The following PRKCA variants were observed in gnomAD, a reference collection of about 807,000 sequenced individuals.
PRKCA encodes the protein protein kinase C alpha.
PRKCA carries 27 observed loss-of-function variants against 87.0 expected under a neutral mutation model. That is an observed-to-expected ratio of 0.31 (90% confidence interval 0.23 to 0.43). The LOEUF (loss-of-function observed/expected upper bound fraction) is 0.43, where lower values mean the gene tolerates loss of function less well. Among genes scored for constraint, PRKCA ranks in the 20% least tolerant of loss-of-function variants. The pLI is 1.00. For missense variants in PRKCA, 518 were observed against 852.3 expected, an observed-to-expected ratio of 0.61 and a Z score of 4.88; for synonymous variants, 329 against 311.1, an observed-to-expected ratio of 1.06 and a Z score of -0.61.
Position 66,688,361 on chromosome 17 carries a change from G to T in PRKCA, c.746G>T (p.Arg249Leu). The T allele has an allele frequency of 6.2e-7, 1 of 1,614,150 alleles. No individual in the cohort carries two copies. The highest frequency in any genetic ancestry group is 8.5e-7 in the Non-Finnish European group (1 of 1,180,014). The change falls in exon 7 of 17, where the codon CGA becomes CTA. Residue 249 changes from arginine (R) to leucine (L), a missense_variant. Transcript: ENST00000413366. ...RLSVEIWDWD[R>L]TTRNDFMGSL... Reference sequence around the variant, plus strand: ...TCTGTAGAAATCTGGGACTGGGATCGAACAACAAGGAATGACTTCATGGGA... The same window carrying T: ...TCTGTAGAAATCTGGGACTGGGATCTAACAACAAGGAATGACTTCATGGGA...
At chr17:66,733,524 G>T (rs1030479152) in intron 9 of PRKCA, among the ~76,000 whole-genome samples, 5 of 152,240 alleles carry the variant, frequency 3.3e-5, no homozygotes, top group Non-Finnish European at 5.9e-5. Context: ...AGGCATGGTG[G>T]CTCATGCCTG....
At chr17:66,461,205 C>CAAAAAAAA (rs34496253) in intron 2 of PRKCA, among the ~76,000 whole-genome samples, 2 of 93,028 alleles carry the variant, frequency 2.1e-5, no homozygotes, top group Non-Finnish European at 4.5e-5. Context: ...GACCCCATCT[C>CAAAAAAAA]AAAAAAAAAA....
At chr17:66,567,297 T>C (rs1279671213) in intron 3 of PRKCA, among the ~76,000 whole-genome samples, 2 of 152,210 alleles carry the variant, frequency 1.3e-5, no homozygotes, top group African/African-American at 4.8e-5. Flanking sequence ...AGCTGAGTGT[T>C]GTGCAGTGGC....
At chr17:66,790,340 C>T (rs943578940) in intron 16 of PRKCA, among the ~76,000 whole-genome samples, 4 of 152,198 alleles carry the variant, frequency 2.6e-5, no homozygotes, top group Admixed American at 6.5e-5. Context: ...CCTGAATCAT[C>T]GTTTCAAATA....
Position 66,439,687 on chromosome 17 carries a change from G to T in PRKCA, c.206-56514G>T, listed in dbSNP as rs140020206. Reference sequence around the variant, plus strand: ...TAGAGGACCACAGTTGCAAAATAGGGTGCCTGGGGTCTCTGCTTATCTGCA... The same window carrying T: ...TAGAGGACCACAGTTGCAAAATAGGTTGCCTGGGGTCTCTGCTTATCTGCA... On this transcript the variant is annotated intron_variant, in intron 2 of 16. Coordinates refer to ENST00000413366, the MANE Select transcript of PRKCA (RefSeq NM_002737.3). 8.8e-3 allele frequency among the ~76,000 whole-genome samples: 1,338 copies of T among 152,276 alleles called. 19 individuals carry two copies. Among genetic ancestry groups the T allele is most frequent in the African/African-American group, 0.031 (1,276 of 41,552 alleles).
At chr17:66,741,327 G>A (rs1053148955) in intron 11 of PRKCA, among the ~76,000 whole-genome samples, 10 of 145,238 alleles carry the variant, frequency 6.9e-5, no homozygotes, top group African/African-American at 2.0e-4. Flanking sequence ...TTTTCTTTAC[G>A]CCATACTCCT....
At chr17:66,780,705 A>G (rs1465068080) in intron 14 of PRKCA, among the ~76,000 whole-genome samples, 1 of 151,960 alleles carries the variant, frequency 6.6e-6, no homozygotes, top group East Asian at 1.9e-4. Flanking sequence ...ATAAGAAAGC[A>G]TAAGAACCCA....
chr17:66,530,558 A>G (rs1967501254), intron 3 of PRKCA, among the ~76,000 whole-genome samples: 1 of 152,204 alleles, frequency 6.6e-6, no homozygotes, highest in African/African-American at 2.4e-5. Context: ...AAGAGGGAGA[A>G]AATGAATGTT....
At chr17:66,701,167 A>G (rs1432533168) in intron 8 of PRKCA, among the ~76,000 whole-genome samples, 5 of 152,192 alleles carry the variant, frequency 3.3e-5, no homozygotes, top group Admixed American at 2.0e-4. Flanking sequence ...ACTATCTTTG[A>G]CAAAGGCATC....
chr17:66,619,710 C>T (rs547049160), intron 3 of PRKCA, among the ~76,000 whole-genome samples: 3 of 152,272 alleles, frequency 2.0e-5, no homozygotes, highest in African/African-American at 4.8e-5. Flanking sequence ...TCTCTCTCCC[C>T]GTCTCAGTGT....
chr17:66,624,838 G>A (rs557273726), intron 3 of PRKCA, among the ~76,000 whole-genome samples: 1 of 151,242 alleles, frequency 6.6e-6, no homozygotes, highest in Non-Finnish European at 1.5e-5. Flanking sequence ...AGAATTATTT[G>A]CAAATAATTG....
At chr17:66,706,579 A>C (rs147468743) in intron 8 of PRKCA, among the ~76,000 whole-genome samples, 5,451 of 151,606 alleles carry the variant, frequency 0.036, 319 homozygotes, top group African/African-American at 0.12. Context: ...CGGAGCTTGC[A>C]GTGAGCCGAG....
At chr17:66,321,398 A>G (rs1263645430) in intron 2 of PRKCA, among the ~76,000 whole-genome samples, 2 of 152,360 alleles carry the variant, frequency 1.3e-5, no homozygotes, top group African/African-American at 2.4e-5. Context: ...CTGATTTGAT[A>G]TGTATGAATA....
chr17:66,780,409 G>A (rs1481814324), intron 14 of PRKCA, among the ~76,000 whole-genome samples: 1 of 152,176 alleles, frequency 6.6e-6, no homozygotes, highest in Non-Finnish European at 1.5e-5. Context: ...GGGTACGGTG[G>A]TTCACACCTA....
chr17:66,579,797 G>T (rs760084351), intron 3 of PRKCA, among the ~76,000 whole-genome samples: 1 of 152,152 alleles, frequency 6.6e-6, no homozygotes, highest in African/African-American at 2.4e-5. Flanking sequence ...TATGTGATCA[G>T]ACTTGGTTGG....
chr17:66,685,534 T>G (rs1251264418), intron 5 of PRKCA, among the ~76,000 whole-genome samples: 1 of 152,118 alleles, frequency 6.6e-6, no homozygotes, highest in Non-Finnish European at 1.5e-5. Context: ...CCCCTCCCCC[T>G]CTGTATTTGA....
intron 2 of PRKCA, among the ~76,000 whole-genome samples, chr17:66,489,595 A>T (rs1188907227): frequency 6.6e-6 from 1 of 151,728 alleles, no homozygotes. Flanking sequence ...CACGTCTCCA[A>T]TCCTTAAAGA....
intron 2 of PRKCA, among the ~76,000 whole-genome samples, chr17:66,340,702 A>G (rs1906992747): frequency 6.6e-6 from 1 of 152,210 alleles, no homozygotes; most frequent in South Asian, 2.1e-4. Flanking sequence ...GTTGTGTTCT[A>G]AGCAAGCAAT....
chr17:66,616,042 G>A (rs1005587595), intron 3 of PRKCA, among the ~76,000 whole-genome samples: 15 of 152,260 alleles, frequency 9.9e-5, no homozygotes, highest in Admixed American at 3.3e-4. Context: ...AATGTTACTC[G>A]TCACTACTCT....
Sources: allele counts gnomAD v4.1 joint callset (sites outside exome capture counted in the v4.1 genomes callset), GRCh38; gene constraint gnomAD v4.1.1; transcripts MANE v1.5; gene names NCBI Gene and HGNC (gene_info 2026-07-23, HGNC 2026-07-21).